The following TRPM3 variants were observed in gnomAD, a reference collection of about 807,000 sequenced individuals.
TRPM3 encodes long transient receptor potential channel 3.
In TRPM3, 77 loss-of-function variants were observed where a neutral mutation model predicts 181.2. The observed-to-expected ratio is 0.42, with a 90% CI of 0.35 to 0.51. The LOEUF (loss-of-function observed/expected upper bound fraction) is 0.51, where lower values mean the gene tolerates loss of function less well. Ranked by LOEUF, TRPM3 falls within the 20% of genes least tolerant of loss-of-function variation. TRPM3 has a pLI of 0.01. For missense variants in TRPM3, 1,759 were observed against 2,196.7 expected, an observed-to-expected ratio of 0.80 and a Z score of 3.98; for synonymous variants, 745 against 796.4, an observed-to-expected ratio of 0.94 and a Z score of 1.09.
chr9:71,284,067 T>G (rs1414438524), intron 1 of TRPM3, among the ~76,000 whole-genome samples: 1 of 152,200 alleles, frequency 6.6e-6, no homozygotes, highest in African/African-American at 2.4e-5. Flanking sequence ...GAAACTTATT[T>G]AACCTTTGTG....
At chr9:70,566,036 G>A (rs541056809) in intron 22 of TRPM3, among the ~76,000 whole-genome samples, 19 of 152,266 alleles carry the variant, frequency 1.2e-4, no homozygotes, top group Admixed American at 2.0e-4. Flanking sequence ...ATCAGTGAGC[G>A]AAACATCAAA....
chr9:71,303,802 T>C (rs1441160344), intron 1 of TRPM3, among the ~76,000 whole-genome samples: 8 of 152,186 alleles, frequency 5.3e-5, no homozygotes, highest in Non-Finnish European at 1.2e-4. Context: ...TTATTTTAAA[T>C]AGGTTTTTAA....
chr9:70,891,033 A>AG (rs1229628120), intron 1 of TRPM3, among the ~76,000 whole-genome samples: 1 of 149,532 alleles, frequency 6.7e-6, no homozygotes. Flanking sequence ...GGGTGGGGAG[A>AG]GGGGGGAGGG....
chr9:70,979,202 A>G (rs1590246960), intron 1 of TRPM3, among the ~76,000 whole-genome samples: 1 of 152,272 alleles, frequency 6.6e-6, no homozygotes, highest in African/African-American at 2.4e-5. Flanking sequence ...TTATCCCGTT[A>G]CAACTCTCCA....
chr9:71,446,929 C>G (rs1458160076), upstream of TRPM3: 8 of 1,289,154 alleles, frequency 6.2e-6, no homozygotes, highest in Non-Finnish European at 8.2e-6. Context: ...GCGCGCGGCT[C>G]TCGGTTGGCG....
intron 7 of TRPM3, among the ~76,000 whole-genome samples, chr9:70,779,302 C>T (rs1222267096): frequency 2.1e-4 from 32 of 152,090 alleles, no homozygotes; most frequent in Admixed American, 2.1e-3. Context: ...AGGCTTTCTG[C>T]TACCAGAAAG....
chr9:70,663,306 C>A (rs1045816469), intron 9 of TRPM3, among the ~76,000 whole-genome samples: 1 of 152,006 alleles, frequency 6.6e-6, no homozygotes, highest in Non-Finnish European at 1.5e-5. Context: ...GCTCAGGTGA[C>A]GGGTGCATTA....
chr9:71,193,631 C>G (rs1334566188), intron 1 of TRPM3, among the ~76,000 whole-genome samples: 1 of 151,910 alleles, frequency 6.6e-6, no homozygotes, highest in African/African-American at 2.4e-5. Flanking sequence ...CAAAATCTTA[C>G]TATTACTTCA....
In TRPM3 at chr9:70,976,922, T is replaced by A. The variant is rs537260537; in HGVS notation, c.178-112411A>T. Reference sequence around the variant, plus strand: ...GATGGACAGTGGGCAGGTTTCTGAATGACCCCTTCGAGTCTCCATTTCCTC... The same window carrying A: ...GATGGACAGTGGGCAGGTTTCTGAAAGACCCCTTCGAGTCTCCATTTCCTC... On this transcript the variant is annotated intron_variant, in intron 1 of 25. Transcript: ENST00000677713. Among the ~76,000 whole-genome samples, 7 of 152,332 alleles carry A rather than the reference T, an allele frequency of 4.6e-5. No homozygotes were observed. The East Asian group carries it at 1.4e-3, about 29-fold the overall frequency.
intron 1 of TRPM3, among the ~76,000 whole-genome samples, chr9:71,065,973 G>A (rs550739207): frequency 6.6e-6 from 1 of 152,180 alleles, no homozygotes; most frequent in Admixed American, 6.5e-5. Flanking sequence ...AACTGAACCA[G>A]CACAGCCATC....
chr9:70,971,810 T>C (rs1259257770), intron 1 of TRPM3, among the ~76,000 whole-genome samples: 1 of 152,112 alleles, frequency 6.6e-6, no homozygotes, highest in African/African-American at 2.4e-5. Flanking sequence ...AAAGCAAATA[T>C]ACAAATGGAC....
chr9:70,695,386 G>A (rs1182283281), intron 8 of TRPM3, among the ~76,000 whole-genome samples: 1 of 152,162 alleles, frequency 6.6e-6, no homozygotes, highest in African/African-American at 2.4e-5. Context: ...TAGCTAGCAT[G>A]GGCTCAGTAA....
chr9:70,855,685 T>G lies in TRPM3; in HGVS notation c.462+7223A>C, dbSNP rs532880077. Among the ~76,000 whole-genome samples, 18 of 152,346 alleles carry G rather than the reference T, an allele frequency of 1.2e-4. No homozygotes were observed. The South Asian group carries it at 1.4e-3, about 12-fold the overall frequency. On this transcript the variant is annotated intron_variant, in intron 3 of 25. Coordinates refer to ENST00000677713, the MANE Select transcript of TRPM3 (RefSeq NM_001366145.2). ...CATTTTCCTTTCGGTTTGAGAAATG[T>G]AACAAGCACCATTTCATTTCCTAAC...
intron 1 of TRPM3, among the ~76,000 whole-genome samples, chr9:71,386,834 G>C (rs2092934817): frequency 6.6e-6 from 1 of 152,104 alleles, no homozygotes; most frequent in South Asian, 2.1e-4. Context: ...ATGACAATCA[G>C]TGTTCCGTAA....
chr9:71,026,686 G>A lies in TRPM3; in HGVS notation c.177+94492C>T, dbSNP rs372088251. ...GCCCACCAGCCCTGCCCACTCCAGT[G>A]CTCTGCCCCTGTGCTGACGCTGACA... On this transcript the variant is annotated intron_variant, in intron 1 of 25. Transcript: ENST00000677713. Among the ~76,000 whole-genome samples the A allele has an allele frequency of 1.2e-4, 18 of 152,278 alleles. No individual in the cohort carries two copies. In the South Asian group the frequency reaches 1.7e-3, roughly 14 times the overall value.
chr9:70,776,803 G>A (rs1240988228), intron 7 of TRPM3, among the ~76,000 whole-genome samples: 1 of 152,174 alleles, frequency 6.6e-6, no homozygotes, highest in Non-Finnish European at 1.5e-5. Flanking sequence ...TGAGGAGAAT[G>A]CAGGTGAGGC....
chr9:71,102,651 A>T (rs975803747), intron 1 of TRPM3, among the ~76,000 whole-genome samples: 1 of 152,080 alleles, frequency 6.6e-6, no homozygotes, highest in Non-Finnish European at 1.5e-5. Flanking sequence ...GATTTGCCCA[A>T]CTCAAATACA....
At chr9:71,218,773 C>A (rs1004984341) in intron 1 of TRPM3, among the ~76,000 whole-genome samples, 1 of 152,106 alleles carries the variant, frequency 6.6e-6, no homozygotes, top group Non-Finnish European at 1.5e-5. Context: ...TAAAGCATAG[C>A]GATTTTTTTG....
chr9:70,620,382 A>C lies in TRPM3; in HGVS notation c.1840-17T>G. The C allele has an allele frequency of 1.3e-5, 21 of 1,593,548 alleles. No individual in the cohort carries two copies. Among genetic ancestry groups the C allele is most frequent in the Non-Finnish European group, 1.8e-5 (21 of 1,167,020 alleles). On this transcript the variant is annotated splice_polypyrimidine_tract_variant and intron_variant, in intron 15 of 25. Transcript: ENST00000677713. ...AATATCATCCTGTAATTACAGGGAAACCACACAGACTGAGTTAGAAATGAA... is the reference window on the plus strand; with the variant it reads ...AATATCATCCTGTAATTACAGGGAACCCACACAGACTGAGTTAGAAATGAA...
Sources: gnomAD v4.1 joint callset for allele counts (sites outside exome capture counted in the v4.1 genomes callset) on GRCh38, gnomAD v4.1.1 for gene constraint, MANE v1.5 for transcripts, NCBI Gene and HGNC (gene_info 2026-07-23, HGNC 2026-07-21) for gene names.